Variants in GFRA1 observed in about 807,000 individuals in gnomAD.
The protein encoded by GFRA1 is GDNF family receptor alpha 1.
In GFRA1, 16 loss-of-function variants were observed where a neutral mutation model predicts 51.6. The ratio of observed to expected loss-of-function variants is 0.31; its 90% CI spans 0.21 to 0.47. The LOEUF is 0.47. Ranked by LOEUF, GFRA1 falls within the 20% of genes least tolerant of loss-of-function variation. GFRA1 has a pLI of 1.00. For missense variants in GFRA1, 530 were observed against 594.3 expected (o/e 0.89, Z 1.13); for synonymous variants, 270 against 241.3 (o/e 1.12, Z -1.10).
chr10:116,077,441 T>C (rs146521434), intron 9 of GFRA1, among the ~76,000 whole-genome samples: 27 of 152,280 alleles, frequency 1.8e-4, no homozygotes, highest in Non-Finnish European at 3.7e-4. Flanking sequence ...TTAAATTGGT[T>C]TTTAGGAACT....
intron 9 of GFRA1, among the ~76,000 whole-genome samples, chr10:116,080,860 A>C (rs1278347062): frequency 6.6e-6 from 1 of 152,196 alleles, no homozygotes; most frequent in Admixed American, 6.5e-5. Flanking sequence ...TCAATGATTC[A>C]ATCAATAGTG....
intron 9 of GFRA1, among the ~76,000 whole-genome samples, 200 bp from the exon 10 acceptor site, chr10:116,065,826 T>C (rs995376205): frequency 1.3e-5 from 2 of 152,176 alleles, no homozygotes; most frequent in African/African-American, 4.8e-5. Flanking sequence ...ATATATATTA[T>C]TTAACCCAAT....
At chr10:116,114,400 T>C (rs1382250588) in intron 6 of GFRA1, among the ~76,000 whole-genome samples, 3 of 152,192 alleles carry the variant, frequency 2.0e-5, no homozygotes, top group African/African-American at 7.2e-5. Flanking sequence ...CTCTAGACTC[T>C]GCCTCCGCCT....
At position 116,057,164 on chromosome 10, in the gene GFRA1, C is replaced by G. The variant is rs1162078300; in HGVS notation, c.*7234G>C. 6.6e-6 allele frequency: 1 copy of G among 152,038 alleles called. No individual in the cohort carries two copies. The highest frequency in any genetic ancestry group is 1.9e-4 in the East Asian group (1 of 5,178). The allele number at this position is 152,038 out of a possible 1,614,324, so 9.4% of individuals were successfully genotyped here. On this transcript the variant is annotated 3_prime_UTR_variant, in exon 11 of 11. Coordinates refer to ENST00000355422, the MANE Select transcript of GFRA1 (RefSeq NM_005264.8). ...TGTGAGGCAGCCATGTGGGAGTGAC[C>G]CCAGGAGAATGCTCCGGTGTCCTCT...
At chr10:116,218,977 C>G (rs766772221) in intron 4 of GFRA1, among the ~76,000 whole-genome samples, 2 of 151,810 alleles carry the variant, frequency 1.3e-5, no homozygotes, top group Non-Finnish European at 2.9e-5. Flanking sequence ...ACACAGTGCT[C>G]ACTAAATGTC....
rs543744115 is a variant in GFRA1 at position 116,114,768 on chromosome 10, C to T, written c.770+10453G>A. 4.6e-5 allele frequency among the ~76,000 whole-genome samples: 7 copies of T among 152,216 alleles called. No homozygotes were observed. The South Asian group carries it at 8.3e-4, about 18-fold the overall frequency. The stretch of plus-strand genomic sequence containing the variant: ...CATTTAAAATCTTAAGCTTTGTCCT[C>T]CCTGATAAAAACTGGTTGGAAAAGT... On this transcript the variant is annotated intron_variant, in intron 6 of 10. Coordinates refer to ENST00000355422, the MANE Select transcript of GFRA1 (RefSeq NM_005264.8).
intron 4 of GFRA1, among the ~76,000 whole-genome samples, chr10:116,231,576 T>C (rs1024570851): frequency 1.3e-5 from 2 of 152,236 alleles, no homozygotes; most frequent in African/African-American, 4.8e-5. Context: ...TAAAGCTTTT[T>C]TTCTGAATTC....
At chr10:116,106,197 A>T (rs1004282089) in intron 6 of GFRA1, among the ~76,000 whole-genome samples, 1 of 152,204 alleles carries the variant, frequency 6.6e-6, no homozygotes, top group African/African-American at 2.4e-5. Flanking sequence ...CCTTGATTTC[A>T]GCCCAGTGAG....
chr10:116,134,448 G>A (rs1477030153), intron 5 of GFRA1, among the ~76,000 whole-genome samples: 2 of 152,140 alleles, frequency 1.3e-5, no homozygotes, highest in Non-Finnish European at 2.9e-5. Context: ...ATATCCACAC[G>A]GATCGTATGG....
At chr10:116,209,860 T>C (rs1216593006) in intron 5 of GFRA1, among the ~76,000 whole-genome samples, 1 of 152,070 alleles carries the variant, frequency 6.6e-6, no homozygotes, top group Admixed American at 6.5e-5. Context: ...TTAGAGAATG[T>C]GTCTCCATAC....
intron 9 of GFRA1, among the ~76,000 whole-genome samples, chr10:116,077,671 T>C (rs951608673): frequency 6.6e-6 from 1 of 152,222 alleles, no homozygotes; most frequent in Non-Finnish European, 1.5e-5. Context: ...AACAATATGT[T>C]GAACCAAAGT....
At chr10:116,103,968 G>A (rs920554997) in intron 6 of GFRA1, among the ~76,000 whole-genome samples, 3 of 152,150 alleles carry the variant, frequency 2.0e-5, no homozygotes, top group Non-Finnish European at 4.4e-5. Flanking sequence ...AGTAGGCTAC[G>A]GAGCTGCGGA....
intron 5 of GFRA1, among the ~76,000 whole-genome samples, chr10:116,208,607 G>A (rs915412996): frequency 6.6e-5 from 10 of 152,252 alleles, no homozygotes; most frequent in South Asian, 4.1e-4. Flanking sequence ...AGTTGACAGC[G>A]CAGGGAGAAT....
intron 5 of GFRA1, among the ~76,000 whole-genome samples, chr10:116,137,768 CT>C (rs1475457978): frequency 1.3e-5 from 2 of 152,084 alleles, no homozygotes; most frequent in Non-Finnish European, 2.9e-5. Context: ...AAATGTCCAT[CT>C]TAATAGTCAG....
rs1270379275 is a variant in GFRA1, at chr10:116,064,476, T to TG, written c.1319dup (p.Ser441LysfsTer37). On this transcript the variant is annotated frameshift_variant, in exon 11 of 11. Coordinates refer to ENST00000355422, the MANE Select transcript of GFRA1 (RefSeq NM_005264.8). LOFTEE classifies it high-confidence loss of function. ...CCAGCAGTGGGCTCAGACCACAGCTTGGAGGAGCAGCCATTGATTTTGTGG... is the reference window on the plus strand; with the variant it reads ...CCAGCAGTGGGCTCAGACCACAGCTTGGGAGGAGCAGCCATTGATTTTGTGG... The TG allele has an allele frequency of 6.2e-7, 1 of 1,613,042 alleles. No homozygotes were observed. The highest frequency in any genetic ancestry group is 2.2e-5 in the East Asian group (1 of 44,858).
At chr10:116,235,125 T>A (rs1565669951) in intron 4 of GFRA1, among the ~76,000 whole-genome samples, 1 of 152,180 alleles carries the variant, frequency 6.6e-6, no homozygotes, top group African/African-American at 2.4e-5. Context: ...GAGAATGGAC[T>A]AATGTGGCAC....
intron 5 of GFRA1, among the ~76,000 whole-genome samples, chr10:116,140,198 G>A (rs1049226012): frequency 2.0e-5 from 3 of 152,164 alleles, no homozygotes; most frequent in African/African-American, 4.8e-5. Context: ...GAAGGAAACC[G>A]GCATTTACAA....
At chr10:116,108,953 C>T (rs761809694) in intron 6 of GFRA1, among the ~76,000 whole-genome samples, 2 of 152,208 alleles carry the variant, frequency 1.3e-5, no homozygotes, top group Non-Finnish European at 2.9e-5. Context: ...ACCTACAGCT[C>T]AACACTCATC....
chr10:116,096,221 G>C (rs1956566888), intron 7 of GFRA1, among the ~76,000 whole-genome samples: 1 of 152,080 alleles, frequency 6.6e-6, no homozygotes, highest in Non-Finnish European at 1.5e-5. Context: ...ATTTCCAAAG[G>C]GCCATTTCTG....
Sources: allele counts gnomAD v4.1 joint callset (sites outside exome capture counted in the v4.1 genomes callset), GRCh38; gene constraint gnomAD v4.1.1; transcripts MANE v1.5; gene names NCBI Gene and HGNC (gene_info 2026-07-23, HGNC 2026-07-21).